ZNF492: variants seen among roughly 807,000 people sequenced by gnomAD.
ZNF492 encodes the protein zinc finger protein 492.
Under a neutral mutation model 6.4 loss-of-function variants are expected in ZNF492, and 3 were observed. The ratio of observed to expected loss-of-function variants is 0.47; its 90% CI spans 0.21 to 1.22. The LOEUF (loss-of-function observed/expected upper bound fraction) is 1.22. Among genes scored for constraint, ZNF492 ranks in the 50% most tolerant of loss-of-function variants. The probability of loss-of-function intolerance (pLI) is 0.22; values close to 1 mark genes in which losing one functional copy is unlikely to be tolerated. For missense variants in ZNF492, 356 were observed against 612.5 expected, an observed-to-expected ratio of 0.58 and a Z score of 4.42; for synonymous variants, 112 against 205.3, an observed-to-expected ratio of 0.55 and a Z score of 3.89.
chr19:22,661,865 G>A (rs781227586), intron 3 of ZNF492, among the ~76,000 whole-genome samples: 8 of 152,086 alleles, frequency 5.3e-5, no homozygotes, highest in Non-Finnish European at 1.2e-4. Flanking sequence ...CAAAGTGCTA[G>A]GATTACAGGT....
chr19:22,663,870 A>G lies in ZNF492; in HGVS notation c.201A>G (p.Ile67Met). 2 of 1,578,544 alleles carry G rather than the reference A, an allele frequency of 1.3e-6. No homozygotes were observed. Among genetic ancestry groups the G allele is most frequent in the South Asian group, 2.3e-5 (2 of 85,826 alleles). ...AAAAAAATTATTTCCAAAAAGTGATACTGAGAAGATATAAAAAATGTGGAT... is the reference window on the plus strand; with the variant it reads ...AAAAAAATTATTTCCAAAAAGTGATGCTGAGAAGATATAAAAAATGTGGAT... ...QGKKNYFQKV[I>M]LRRYKKCGCE... Residue 67 changes from isoleucine (I) to methionine (M), a missense_variant, in exon 4 of 4, where the codon ATA (isoleucine) becomes ATG (methionine). This residue lies in a region of ZNF492 where 196 missense variants were observed against 219.4 expected (regional missense o/e 0.89). Transcript: ENST00000456783.
At chr19:22,634,533 C>G in intron 1 of ZNF492, 59 bp downstream of exon 1, 1 of 1,352,310 alleles carries the variant, frequency 7.4e-7, no homozygotes, top group Non-Finnish European at 1.0e-6. Flanking sequence ...GAACCGGTGG[C>G]AAGAGGCTGT....
chr19:22,658,393 A>T (rs919538944), intron 3 of ZNF492, among the ~76,000 whole-genome samples: 1 of 151,656 alleles, frequency 6.6e-6, no homozygotes, highest in African/African-American at 2.4e-5. Flanking sequence ...AGCTTGGGTG[A>T]CAGAGTGAGA....
At position 22,664,760 on chromosome 19, in the gene ZNF492, T is replaced by C. The variant is rs200816829; in HGVS notation, c.1091T>C (p.Phe364Ser). Residue 364 changes from phenylalanine (F) to serine (S), a missense_variant, in exon 4 of 4, where the codon TTC becomes TCC. Around this residue, in one of 7 missense-constraint regions of ZNF492, gnomAD observed 1 missense variants for 53.7 expected, o/e 0.02. Transcript: ENST00000456783. ...AAGAGAATTCATGCTGGAGAGAAAT[T>C]CTACAAATGTGAAGTATGTAGCAAA... ...THKRIHAGEKFYKCEVCSKAF... is the reference protein window; with the variant it reads ...THKRIHAGEKSYKCEVCSKAF... 27,631 of 1,590,562 alleles carry C rather than the reference T, an allele frequency of 0.017. 241 individuals are homozygous for C. Among genetic ancestry groups the C allele is most frequent in the Non-Finnish European group, 0.021 (24,922 of 1,170,544 alleles).
chr19:22,650,672 G>A (rs1442999335), intron 1 of ZNF492, among the ~76,000 whole-genome samples: 1 of 152,134 alleles, frequency 6.6e-6, no homozygotes, highest in Non-Finnish European at 1.5e-5. Flanking sequence ...ATGTGTCAGG[G>A]TCAGGCCTGA....
chr19:22,652,583 CTT>C (rs923532853), intron 1 of ZNF492, among the ~76,000 whole-genome samples: 10 of 130,672 alleles, frequency 7.7e-5, no homozygotes, highest in Non-Finnish European at 6.8e-5. Flanking sequence ...ATTTTCTTTT[CTT>C]TTTTTTTTTT....
Position 22,659,688 on chromosome 19 carries a change from CAG to C in ZNF492, c.131-4109_131-4108del, listed in dbSNP as rs1445788551. Among the ~76,000 whole-genome samples the C allele has an allele frequency of 9.6e-4, 125 of 130,582 alleles. 1 individual carries two copies. In the East Asian group the frequency reaches 0.015, roughly 15 times the overall value. 85.7% of individuals were successfully genotyped at this position (130,582 alleles called of 152,430 possible). ...TGTTGTTTTTTTTTTTTTTTTGAGACAGAGTCTCACTCTGTGTCCCAGGCTGG... is the reference window on the plus strand; with the variant it reads ...TGTTGTTTTTTTTTTTTTTTTGAGACAGTCTCACTCTGTGTCCCAGGCTGG... On this transcript the variant is annotated intron_variant, in intron 3 of 3. Coordinates refer to ENST00000456783, the MANE Select transcript of ZNF492 (RefSeq NM_020855.3).
At chr19:22,642,593 G>A (rs575379492) in intron 1 of ZNF492, among the ~76,000 whole-genome samples, 378 of 151,656 alleles carry the variant, frequency 2.5e-3, no homozygotes, top group African/African-American at 7.5e-3. Flanking sequence ...GTTTCACCAT[G>A]TTAGCCAGGA....
In ZNF492 at chr19:22,652,353, G is replaced by A. The variant is rs1433629804; in HGVS notation, c.-93-954G>A. Among the ~76,000 whole-genome samples, 3 of 134,020 alleles carry A rather than the reference G, an allele frequency of 2.2e-5. 1 individual carries two copies. The highest frequency in any genetic ancestry group is 7.6e-3 in the Middle Eastern group (2 of 262). The allele number at this position is 134,020 out of a possible 152,430, so 87.9% of individuals were successfully genotyped here. A position where few individuals can be genotyped will look rare whatever the true frequency, so the allele number is the denominator to read the frequency against. The stretch of plus-strand genomic sequence containing the variant: ...CGCCATTCTCCTGCCTCAGACTCCC[G>A]AGTAGCTGGGACTACAGGCGCCCGC... On this transcript the variant is annotated intron_variant, in intron 1 of 3. Transcript: ENST00000456783.
At chr19:22,635,889 C>G (rs2145238756) in intron 1 of ZNF492, among the ~76,000 whole-genome samples, 1 of 152,226 alleles carries the variant, frequency 6.6e-6, no homozygotes, top group Non-Finnish European at 1.5e-5. Flanking sequence ...ATTTTTGGTT[C>G]AGGGGTACAC....
intron 1 of ZNF492, among the ~76,000 whole-genome samples, chr19:22,637,179 A>G (rs1971777381): frequency 6.6e-6 from 1 of 151,360 alleles, no homozygotes; most frequent in Non-Finnish European, 1.5e-5. Flanking sequence ...GGGTTTCACC[A>G]TGTTGGTCAG....
rs575152373 is a variant in ZNF492 at position 22,661,465 on chromosome 19, T to G, written c.131-2335T>G. Among the ~76,000 whole-genome samples the G allele has an allele frequency of 6.6e-5, 10 of 152,338 alleles. 1 individual carries two copies. In the South Asian group the frequency reaches 2.1e-3, roughly 32 times the overall value. ...GCTACCTGTCACAGTCTTTAAAATG[T>G]GTTTTTTTCTGACATAGTCTGAAAA... is the stretch of plus-strand genomic sequence containing the variant. On this transcript the variant is annotated intron_variant, in intron 3 of 3. Transcript: ENST00000456783.
intron 1 of ZNF492, among the ~76,000 whole-genome samples, chr19:22,638,040 GTTT>G (rs1171757469): frequency 6.6e-6 from 1 of 151,964 alleles, no homozygotes; most frequent in African/African-American, 2.4e-5. Flanking sequence ...CCCTTTTCAT[GTTT>G]TTTGTCTACT....
intron 1 of ZNF492, among the ~76,000 whole-genome samples, chr19:22,647,395 T>TA (rs1971891014): frequency 6.6e-6 from 1 of 151,322 alleles, no homozygotes; most frequent in South Asian, 2.1e-4. Flanking sequence ...TAGCCTGGAT[T>TA]ACAGGTGCCC....
chr19:22,635,024 A>C (rs1025415053), intron 1 of ZNF492, among the ~76,000 whole-genome samples: 15 of 152,258 alleles, frequency 9.9e-5, no homozygotes, highest in African/African-American at 3.6e-4. Context: ...ACCCAAATTC[A>C]ATAATCGGTT....
rs549188965 is a variant in ZNF492, at chr19:22,665,283, C to T, written c.*18C>T. 574 of 1,521,876 alleles carry T rather than the reference C, an allele frequency of 3.8e-4. No homozygotes were observed. Among genetic ancestry groups the T allele is most frequent in the Non-Finnish European group, 4.6e-4 (522 of 1,135,322 alleles). The allele number at this position is 1,521,876 out of a possible 1,614,324, so 94.3% of individuals were successfully genotyped here. On this transcript the variant is annotated 3_prime_UTR_variant, in exon 4 of 4. Coordinates refer to ENST00000456783, the MANE Select transcript of ZNF492 (RefSeq NM_020855.3). Reference sequence around the variant, plus strand: ...AGAAATAATAGAAATATGAATGTGACAAAGCCTTTAAATGGTTATCACACT... The same window carrying T: ...AGAAATAATAGAAATATGAATGTGATAAAGCCTTTAAATGGTTATCACACT...
At chr19:22,648,312 C>G (rs62118780) in intron 1 of ZNF492, among the ~76,000 whole-genome samples, 16,992 of 152,200 alleles carry the variant, frequency 0.11, 1,000 homozygotes, top group Middle Eastern at 0.16. Context: ...GTCTGAGAGA[C>G]TGTTTGTTAC....
chr19:22,661,976 CTTAT>C (rs926449599), intron 3 of ZNF492, among the ~76,000 whole-genome samples: 62 of 152,236 alleles, frequency 4.1e-4, no homozygotes, highest in African/African-American at 1.5e-3. Flanking sequence ...ACTTACCTTT[CTTAT>C]TTATTTATTT....
At chr19:22,662,013 T>C (rs1238058779) in intron 3 of ZNF492, among the ~76,000 whole-genome samples, 3 of 152,172 alleles carry the variant, frequency 2.0e-5, no homozygotes, top group Admixed American at 6.5e-5. Context: ...AGTCCTAGGG[T>C]ACATGTGCCC....
Sources: allele counts gnomAD v4.1 joint callset (sites outside exome capture counted in the v4.1 genomes callset), GRCh38; gene constraint gnomAD v4.1.1; regional missense constraint gnomAD v4.1.1; transcripts MANE v1.5; gene names NCBI Gene and HGNC (gene_info 2026-07-23, HGNC 2026-07-21).